CDK5RAP2: variants seen among roughly 807,000 people sequenced by gnomAD.
CDK5RAP2 encodes CDK5 regulatory subunit-associated protein 2.
CDK5RAP2 carries 147 observed loss-of-function variants against 232.9 expected under a neutral mutation model. That is an observed-to-expected ratio of 0.63 (90% CI 0.55 to 0.72). The LOEUF (loss-of-function observed/expected upper bound fraction) is 0.72, where lower values mean the gene tolerates loss of function less well. CDK5RAP2 is among the 30% of genes least tolerant of loss of function. CDK5RAP2 has a pLI of 0.00. For missense variants in CDK5RAP2, 2,195 were observed against 2,231.5 expected (o/e 0.98, Z 0.33); for synonymous variants, 833 against 833.7 (o/e 1.00, Z 0.01).
chr9:120,418,707 G>A (rs1191661174), intron 27 of CDK5RAP2, among the ~76,000 whole-genome samples: 1 of 152,176 alleles, frequency 6.6e-6, no homozygotes, highest in Non-Finnish European at 1.5e-5. Context: ...AAAGAAACTA[G>A]GGCTAGATAA....
intron 12 of CDK5RAP2, among the ~76,000 whole-genome samples, chr9:120,514,553 G>A (rs1353893282): frequency 6.6e-6 from 1 of 152,172 alleles, no homozygotes; most frequent in Non-Finnish European, 1.5e-5. Flanking sequence ...CTGGCAATGA[G>A]TCCAGCCACT....
At chr9:120,418,835 A>T (rs919149741) in intron 27 of CDK5RAP2, among the ~76,000 whole-genome samples, 1 of 151,998 alleles carries the variant, frequency 6.6e-6, no homozygotes, top group Non-Finnish European at 1.5e-5. Flanking sequence ...CCTCAAGAAG[A>T]CTCAGAGGCC....
intron 35 of CDK5RAP2, among the ~76,000 whole-genome samples, chr9:120,400,347 TGA>T (rs2032889740): frequency 6.6e-6 from 1 of 152,166 alleles, no homozygotes; most frequent in Non-Finnish European, 1.5e-5. Flanking sequence ...ATAAAAGAGA[TGA>T]TGAGTAGAAA....
chr9:120,493,201 C>T (rs971651872), intron 12 of CDK5RAP2, among the ~76,000 whole-genome samples: 1 of 152,212 alleles, frequency 6.6e-6, no homozygotes, highest in African/African-American at 2.4e-5. Flanking sequence ...AGGAGGAATG[C>T]AGCCCTGCCG....
At chr9:120,447,000 A>C (rs2036228145) in intron 22 of CDK5RAP2, among the ~76,000 whole-genome samples, 1 of 152,126 alleles carries the variant, frequency 6.6e-6, no homozygotes, top group African/African-American at 2.4e-5. Flanking sequence ...ACACACACAC[A>C]AGAATGTAAG....
At chr9:120,493,769 A>G (rs940636931) in intron 12 of CDK5RAP2, among the ~76,000 whole-genome samples, 5 of 152,234 alleles carry the variant, frequency 3.3e-5, no homozygotes, top group African/African-American at 1.2e-4. Flanking sequence ...CAAACAAATT[A>G]CATGGGGTAA....
At chr9:120,425,108 A>T (rs2034812695) in intron 25 of CDK5RAP2, among the ~76,000 whole-genome samples, 1 of 152,164 alleles carries the variant, frequency 6.6e-6, no homozygotes, top group Non-Finnish European at 1.5e-5. Context: ...TAGACCCATC[A>T]AAAACCTCTC....
At chr9:120,542,861 T>C (rs1227775915) in intron 5 of CDK5RAP2, among the ~76,000 whole-genome samples, 1 of 152,174 alleles carries the variant, frequency 6.6e-6, no homozygotes, top group Non-Finnish European at 1.5e-5. Flanking sequence ...GCGAAGTCCG[T>C]TAAGAGACTG....
At position 120,403,026 on chromosome 9, in the gene CDK5RAP2, G is replaced by A; in HGVS notation, c.5087C>T (p.Ser1696Phe). The A allele has an allele frequency of 6.2e-7, 1 of 1,614,224 alleles. No homozygotes were observed. The highest frequency in any genetic ancestry group is 8.5e-7 in the Non-Finnish European group (1 of 1,180,036). Residue 1696 changes from serine (S) to phenylalanine (F), a missense_variant, in exon 34 of 38, where the codon TCC (serine) becomes TTC (phenylalanine). Coordinates refer to ENST00000349780, the MANE Select transcript of CDK5RAP2 (RefSeq NM_018249.6). The surrounding 1 kb of genome is among the most constrained non-coding windows in gnomAD (Gnocchi z 4.2). ...AGTTGCCGAACTGCCACTGTCGCAG[G>A]AGAGGGAGTCCGTGTCATTCCCAGA... is the stretch of plus-strand genomic sequence containing the variant. The part of the protein sequence containing the change: ...PLSGNDTDSL[S>F]CDSGSSATST...
At chr9:120,418,213 T>C (rs1443498740) in intron 27 of CDK5RAP2, among the ~76,000 whole-genome samples, 1 of 152,176 alleles carries the variant, frequency 6.6e-6, no homozygotes, top group Non-Finnish European at 1.5e-5. Context: ...CCAGTTCAGG[T>C]AACCCACTAA....
At chr9:120,567,122 T>C (rs920105921) in intron 3 of CDK5RAP2, among the ~76,000 whole-genome samples, 1 of 152,202 alleles carries the variant, frequency 6.6e-6, no homozygotes, top group East Asian at 1.9e-4. Context: ...AACCATTTAA[T>C]AGTAGAGCAT....
intron 2 of CDK5RAP2, among the ~76,000 whole-genome samples, chr9:120,571,077 G>A (rs2042838756): frequency 2.0e-5 from 3 of 152,156 alleles, no homozygotes; most frequent in Non-Finnish European, 4.4e-5. Flanking sequence ...AGAATTGCTT[G>A]AGTCCAAGAG....
intron 5 of CDK5RAP2, among the ~76,000 whole-genome samples, chr9:120,542,479 G>C (rs1012543545): frequency 2.1e-5 from 3 of 145,852 alleles, no homozygotes; most frequent in East Asian, 2.0e-4. Context: ...CTGAGCAACA[G>C]AGCGAGACTC....
At chr9:120,507,954 T>C in intron 12 of CDK5RAP2, among the ~76,000 whole-genome samples, 1 of 125,776 alleles carries the variant, frequency 8.0e-6, no homozygotes, top group East Asian at 2.2e-4. Context: ...TATATATATA[T>C]ATATATATAT....
At chr9:120,511,735 CTTTT>C (rs747030569) in intron 12 of CDK5RAP2, among the ~76,000 whole-genome samples, 2 of 110,694 alleles carry the variant, frequency 1.8e-5, no homozygotes, top group East Asian at 2.3e-4. Context: ...TCACAACATG[CTTTT>C]TTTTTTTTTT....
intron 20 of CDK5RAP2, among the ~76,000 whole-genome samples, chr9:120,457,236 A>G (rs542510354): frequency 2.6e-5 from 4 of 152,242 alleles, no homozygotes; most frequent in South Asian, 2.1e-4. Flanking sequence ...ACTCCCAACC[A>G]TTGGCTGGGG....
In CDK5RAP2 at chr9:120,397,560, AAAAAAGAAAAAAG is replaced by A. The variant is rs2032608339; in HGVS notation, c.5452-2935_5452-2923del. ...AAACATTCTTAAAAAAAAAAAAAAA[AAAAAAGAAAAAAG>A]AAAAAAAAAAAAGCCCAACACAGTA... On this transcript the variant is annotated intron_variant, in intron 35 of 37. Transcript: ENST00000349780. 5.5e-4 allele frequency among the ~76,000 whole-genome samples: 72 copies of A among 131,238 alleles called. 1 individual carries two copies. The highest frequency in any genetic ancestry group is 1.7e-3 in the African/African-American group (54 of 30,934). 86.1% of individuals were successfully genotyped at this position (131,238 alleles called of 152,430 possible).
At chr9:120,427,428 C>T (rs1455536090) in intron 25 of CDK5RAP2, among the ~76,000 whole-genome samples, 1 of 152,182 alleles carries the variant, frequency 6.6e-6, no homozygotes, top group African/African-American at 2.4e-5. Context: ...ACTGCTCTCC[C>T]CCATAGAGGA....
intron 5 of CDK5RAP2, among the ~76,000 whole-genome samples, chr9:120,541,110 A>G (rs977837097): frequency 2.6e-5 from 4 of 152,220 alleles, no homozygotes; most frequent in African/African-American, 9.6e-5. Context: ...CCTTGGCTAC[A>G]GGATTTCTCC....
Sources: gnomAD v4.1 joint callset for allele counts (sites outside exome capture counted in the v4.1 genomes callset) on GRCh38, gnomAD v4.1.1 for gene constraint, Gnocchi (gnomAD v3.1) non-coding constraint, MANE v1.5 for transcripts, NCBI Gene and HGNC (gene_info 2026-07-23, HGNC 2026-07-21) for gene names.